ADGRE1: variants seen among roughly 807,000 people sequenced by gnomAD.
ADGRE1 encodes EGF-like module receptor 1.
Under a neutral mutation model 102.7 loss-of-function variants are expected in ADGRE1, and 82 were observed. The ratio of observed to expected loss-of-function variants is 0.80; its 90% CI spans 0.67 to 0.96. ADGRE1 has a LOEUF of 0.96. ADGRE1 is among the 40% of genes least tolerant of loss of function. The probability of loss-of-function intolerance (pLI) is 0.00; values close to 1 mark genes in which losing one functional copy is unlikely to be tolerated. For synonymous variants in ADGRE1, 398 were observed against 399.6 expected, an observed-to-expected ratio of 1.00 and a Z score of 0.05; for missense variants, 1,032 against 1,085.3, an observed-to-expected ratio of 0.95 and a Z score of 0.69.
chr19:6,890,118 G>A (rs961078676), intron 1 of ADGRE1, among the ~76,000 whole-genome samples: 1 of 152,074 alleles, frequency 6.6e-6, no homozygotes, highest in African/African-American at 2.4e-5. Context: ...GTCTCACTGT[G>A]TTGTCCAGGC....
chr19:6,916,159 T>C (rs1387176745), intron 11 of ADGRE1, 90 bp from the exon 12 acceptor site: 3 of 1,446,542 alleles, frequency 2.1e-6, no homozygotes, highest in East Asian at 2.3e-5. Flanking sequence ...TTGCTCGCCA[T>C]GATGGAGGTG....
chr19:6,924,909 A>G (rs1463789298), intron 15 of ADGRE1, 37 bp downstream of exon 15: 4 of 1,604,314 alleles, frequency 2.5e-6, no homozygotes, highest in South Asian at 1.1e-5. Context: ...ACCAAGCCCC[A>G]TCTTCTCCCC....
rs368331175 is a variant in ADGRE1 at position 6,897,561 on chromosome 19, T to G, written c.514+14T>G. The stretch of plus-strand genomic sequence containing the variant: ...CCACCTGTGAAGGTATCCATGACCA[T>G]CTCTTTATTATTTACCTACTTAATT... On this transcript the variant is annotated intron_variant, in intron 5 of 20. Transcript: ENST00000312053. The G allele has an allele frequency of 6.6e-7, 1 of 1,526,258 alleles. No individual in the cohort carries two copies. The highest frequency in any genetic ancestry group is 8.8e-7 in the Non-Finnish European group (1 of 1,141,592). 94.5% of individuals were successfully genotyped at this position (1,526,258 alleles called of 1,614,324 possible). A position where few individuals can be genotyped will look rare whatever the true frequency, so the allele number is the denominator to read the frequency against.
chr19:6,892,173 G>A (rs1281617600), intron 2 of ADGRE1, among the ~76,000 whole-genome samples: 1 of 152,142 alleles, frequency 6.6e-6, no homozygotes, highest in African/African-American at 2.4e-5. Context: ...GAAAGAGGAA[G>A]CTGGAAATGA....
chr19:6,931,452 A>G (rs891057628), intron 17 of ADGRE1, among the ~76,000 whole-genome samples: 2 of 152,182 alleles, frequency 1.3e-5, no homozygotes, highest in East Asian at 1.9e-4. Flanking sequence ...GCTCCCCATG[A>G]CAACACGAGG....
intron 20 of ADGRE1, among the ~76,000 whole-genome samples, chr19:6,938,773 TTTTCTTTCTTTC>T (rs139519526): frequency 4.1e-5 from 6 of 145,676 alleles, no homozygotes; most frequent in African/African-American, 1.5e-4. Flanking sequence ...CTATTTTCTT[TTTTCTTTCTTTC>T]TTTCTTTCTT....
intron 17 of ADGRE1, among the ~76,000 whole-genome samples, chr19:6,929,985 C>A (rs1008131311): frequency 2.6e-5 from 4 of 152,172 alleles, no homozygotes; most frequent in African/African-American, 7.2e-5. Context: ...CAGGTAACCG[C>A]TTTCCTATTG....
At chr19:6,934,066 G>A (rs905309300) in intron 17 of ADGRE1, among the ~76,000 whole-genome samples, 1 of 152,154 alleles carries the variant, frequency 6.6e-6, no homozygotes, top group Non-Finnish European at 1.5e-5. Flanking sequence ...CCAGTAGTAC[G>A]AGAGTCAGCT....
At chr19:6,890,176 G>A (rs1185728309) in intron 1 of ADGRE1, among the ~76,000 whole-genome samples, 4 of 152,088 alleles carry the variant, frequency 2.6e-5, no homozygotes, top group African/African-American at 9.7e-5. Flanking sequence ...TTGGCCTCCC[G>A]AAGGGCTGGG....
chr19:6,911,799 C>T lies in ADGRE1; in HGVS notation c.1123-1854C>T, dbSNP rs931801072. ...CATATGCATATACACATATAACATA[C>T]ATACACATGCACACATACACATACA... On this transcript the variant is annotated intron_variant, in intron 10 of 20. Coordinates refer to ENST00000312053, the MANE Select transcript of ADGRE1 (RefSeq NM_001974.5). Among the ~76,000 whole-genome samples, 8 of 145,738 alleles carry T rather than the reference C, an allele frequency of 5.5e-5. No individual in the cohort carries two copies. The East Asian group carries it at 1.6e-3, about 30-fold the overall frequency.
At chr19:6,928,549 T>A in intron 17 of ADGRE1, 1 of 347,244 alleles carries the variant, frequency 2.9e-6, no homozygotes, top group South Asian at 3.7e-5. Context: ...ATCGCTTGAA[T>A]CCAGGAGACA....
At chr19:6,896,143 T>A (rs112091933) in intron 2 of ADGRE1, 2 of 393,862 alleles carry the variant, frequency 5.1e-6, no homozygotes, top group Non-Finnish European at 9.3e-6. Context: ...TCTCTTCTCT[T>A]CTTATAAGGA....
chr19:6,904,119 T>A lies in ADGRE1; in HGVS notation c.886T>A (p.Cys296Ser), dbSNP rs2290635. 3.1e-5 allele frequency: 50 copies of A among 1,614,264 alleles called. No homozygotes were observed. In the East Asian group the frequency reaches 1.1e-3, roughly 36 times the overall value. The change falls in exon 8 of 21, where the codon TGC becomes AGC. Residue 296 changes from cysteine to serine, a missense_variant. Cys to Ser is a moderately radical substitution (Grantham distance 112). Coordinates refer to ENST00000312053, the MANE Select transcript of ADGRE1 (RefSeq NM_001974.5). ...TGCCCTGGGCTCCTACAGCTGTGGC[T>A]GCATTGCAGGCTTTCATCCCAATCC... ...TNALGSYSCG[C>S]IAGFHPNPEG... is the part of the protein sequence containing the mutation.
chr19:6,901,823 A>G (rs1973773628), intron 5 of ADGRE1, 52 bp from the exon 6 acceptor site: 4 of 1,597,696 alleles, frequency 2.5e-6, no homozygotes, highest in Non-Finnish European at 2.6e-6. Context: ...TGTAGTCTCT[A>G]CTCCTTGCTT....
At chr19:6,922,834 TCGGGAGG>T in intron 14 of ADGRE1, among the ~76,000 whole-genome samples, 1 of 152,106 alleles carries the variant, frequency 6.6e-6, no homozygotes, top group South Asian at 2.1e-4. Flanking sequence ...TGCCAGCACT[TCGGGAGG>T]CCGAGGTGGG....
At chr19:6,918,178 G>A (rs765106908) in intron 12 of ADGRE1, among the ~76,000 whole-genome samples, 2 of 152,158 alleles carry the variant, frequency 1.3e-5, no homozygotes, top group South Asian at 2.1e-4. Context: ...GGTGGCTCAC[G>A]CCTGTAATCC....
In ADGRE1 at chr19:6,924,904, G is replaced by A. The variant is rs369721083; in HGVS notation, c.1986+32G>A. Reference sequence around the variant, plus strand: ...ATCGCTCGGGCTGTGTCCCCACCAAGCCCCATCTTCTCCCCACCTGCCTCA... The same window carrying A: ...ATCGCTCGGGCTGTGTCCCCACCAAACCCCATCTTCTCCCCACCTGCCTCA... On this transcript the variant is annotated intron_variant, in intron 15 of 20. Transcript: ENST00000312053. 5.6e-6 allele frequency: 9 copies of A among 1,607,448 alleles called. 1 individual carries two copies. In the South Asian group the frequency reaches 1.0e-4, roughly 18 times the overall value.
chr19:6,927,369 T>C (rs866117698), intron 16 of ADGRE1, among the ~76,000 whole-genome samples: 4 of 150,756 alleles, frequency 2.7e-5, no homozygotes, highest in Non-Finnish European at 4.4e-5. Context: ...TTTTATGAAA[T>C]ATCTTGTCTA....
At chr19:6,925,824 T>C (rs1974882068) in intron 15 of ADGRE1, among the ~76,000 whole-genome samples, 1 of 152,140 alleles carries the variant, frequency 6.6e-6, no homozygotes, top group Non-Finnish European at 1.5e-5. Context: ...GCCTCCCAAG[T>C]ACCTGGGACC....
Sources: gnomAD v4.1 joint callset for allele counts (sites outside exome capture counted in the v4.1 genomes callset) on GRCh38, gnomAD v4.1.1 for gene constraint, MANE v1.5 for transcripts, NCBI Gene and HGNC (gene_info 2026-07-23, HGNC 2026-07-21) for gene names.